Variants in ABCC2 observed in about 807,000 individuals in gnomAD.
ABCC2 encodes the protein ATP-binding cassette sub-family C member 2.
ABCC2 carries 157 observed loss-of-function variants against 173.4 expected under a neutral mutation model. The observed-to-expected ratio is 0.91, with a 90% confidence interval of 0.80 to 1.03. The LOEUF (loss-of-function observed/expected upper bound fraction) is 1.03, where lower values mean the gene tolerates loss of function less well. ABCC2 is among the 50% of genes least tolerant of loss of function. The probability of loss-of-function intolerance (pLI) is 0.00; values close to 1 mark genes in which losing one functional copy is unlikely to be tolerated. For missense variants in ABCC2, 1,822 were observed against 1,852.3 expected (o/e 0.98, Z 0.30); for synonymous variants, 657 against 693.5 (o/e 0.95, Z 0.83).
Position 99,810,137 on chromosome 10 carries a change from AGT to A in ABCC2, c.1822_1823del (p.Val608PhefsTer13). 1 of 1,613,314 alleles carries A rather than the reference AGT, an allele frequency of 6.2e-7. No homozygotes were observed. Among genetic ancestry groups the A allele is most frequent in the Non-Finnish European group, 8.5e-7 (1 of 1,179,294 alleles). ...PMMISSMLQA[S>X]VSTERLEKYL... ...GATCCTTTGTGTCCTTCTCTAGGCC[AGT>A]GTTTCCACAGAGCGGCTAGAGAAGT... is the stretch of plus-strand genomic sequence containing the variant. On this transcript the variant is annotated frameshift_variant, in exon 14 of 32. Transcript: ENST00000647814. LOFTEE classifies it high-confidence loss of function.
chr10:99,788,506 A>G (rs2037759054), intron 2 of ABCC2: 2 of 152,294 alleles, frequency 1.3e-5, no homozygotes, highest in South Asian at 4.1e-4. Flanking sequence ...GAGGGAGGGA[A>G]AAAGGAAGAA....
intron 24 of ABCC2, among the ~76,000 whole-genome samples, chr10:99,835,593 G>A (rs1038855187): frequency 7.2e-5 from 11 of 151,854 alleles, no homozygotes; most frequent in African/African-American, 2.4e-4. Context: ...ACACACCACC[G>A]AGGCACAGTT....
At chr10:99,840,437 G>C (rs1197753922) in intron 25 of ABCC2, among the ~76,000 whole-genome samples, 7 of 146,284 alleles carry the variant, frequency 4.8e-5, no homozygotes, top group African/African-American at 1.7e-4. Context: ...AGCCCGCGGC[G>C]CCTTCGACCC....
At chr10:99,833,797 AT>A (rs1356614264) in intron 23 of ABCC2, among the ~76,000 whole-genome samples, 2 of 152,216 alleles carry the variant, frequency 1.3e-5, no homozygotes, top group Non-Finnish European at 2.9e-5. Flanking sequence ...CATAGAATCA[AT>A]ATAATCCCCA....
At chr10:99,804,324 C>T (rs768291450) in intron 10 of ABCC2, 51 bp downstream of exon 10, 1 of 1,610,068 alleles carries the variant, frequency 6.2e-7, no homozygotes. Context: ...AAGTGTAAAC[C>T]CTTTTTCTTA....
intron 8 of ABCC2, 27 bp downstream of exon 8, chr10:99,799,397 T>C (rs757061562): frequency 2.0e-5 from 33 of 1,613,440 alleles, no homozygotes; most frequent in Non-Finnish European, 2.8e-5. Context: ...CAGATGGTCC[T>C]TTCAGGGCCT....
intron 17 of ABCC2, 31 bp downstream of exon 17, chr10:99,817,515 T>C: frequency 6.2e-7 from 1 of 1,610,906 alleles, no homozygotes; most frequent in South Asian, 1.1e-5. Context: ...TCTTCAAGGG[T>C]GAAGGCATAT....
intron 19 of ABCC2, among the ~76,000 whole-genome samples, chr10:99,826,823 A>G (rs1360007633): frequency 1.1e-5 from 1 of 93,790 alleles, no homozygotes; most frequent in East Asian, 3.6e-4. Context: ...ATGTCCTCAT[A>G]TAAGGGGATT....
Position 99,836,103 on chromosome 10 carries a change from T to A in ABCC2, c.3427T>A (p.Ser1143Thr), listed in dbSNP as rs758302747. The A allele has an allele frequency of 6.2e-7, 1 of 1,613,666 alleles. No homozygotes were observed. The highest frequency in any genetic ancestry group is 1.1e-5 in the South Asian group (1 of 91,056). Residue 1143 changes from serine (S) to threonine (T), a missense_variant, in exon 25 of 32, where the codon TCT becomes ACT. Coordinates refer to ENST00000647814, the MANE Select transcript of ABCC2 (RefSeq NM_000392.5). ...IYVSVQMFYV[S>T]TSRQLRRLDS... The stretch of plus-strand genomic sequence containing the variant: ...TTTTTGTGTCCAGATGTTTTATGTG[T>A]CTACCTCCCGCCAGCTGAGGCGTCT...
intron 19 of ABCC2, among the ~76,000 whole-genome samples, chr10:99,819,691 A>AT (rs1295936207): frequency 6.6e-6 from 1 of 152,326 alleles, no homozygotes; most frequent in East Asian, 1.9e-4. Context: ...GGCTGGCACT[A>AT]TTAGTGTACT....
At chr10:99,809,559 T>G (rs541354834) in intron 13 of ABCC2, among the ~76,000 whole-genome samples, 278 of 152,348 alleles carry the variant, frequency 1.8e-3, no homozygotes, top group African/African-American at 6.3e-3. Context: ...ACAGCCTCTT[T>G]GGAAGAGAGG....
At chr10:99,793,211 C>T (rs1265492795) in intron 3 of ABCC2, among the ~76,000 whole-genome samples, 3 of 152,198 alleles carry the variant, frequency 2.0e-5, no homozygotes, top group African/African-American at 7.2e-5. Context: ...TGCCTTCCGA[C>T]CTTACTACTG....
At chr10:99,807,294 G>A (rs2038126185) in intron 11 of ABCC2, 90 bp from the exon 12 acceptor site, 26 of 1,522,198 alleles carry the variant, frequency 1.7e-5, no homozygotes, top group Admixed American at 5.0e-5. Context: ...CACATTTTGG[G>A]GACTATATCT....
At chr10:99,843,456 T>G (rs2038974671) in intron 26 of ABCC2, among the ~76,000 whole-genome samples, 1 of 152,216 alleles carries the variant, frequency 6.6e-6, no homozygotes, top group African/African-American at 2.4e-5. Flanking sequence ...GATCATGCCT[T>G]TCCCTGATTC....
Position 99,832,044 on chromosome 10 carries a change from C to A in ABCC2, c.3171C>A (p.His1057Gln). The A allele has an allele frequency of 6.2e-7, 1 of 1,614,228 alleles. No homozygotes were observed. The highest frequency in any genetic ancestry group is 1.3e-5 in the African/African-American group (1 of 75,060). The change falls in exon 23 of 32, where the codon CAC (histidine) becomes CAA (glutamine). Residue 1057 changes from histidine to glutamine, a missense_variant. Physicochemically the swap from His to Gln is conservative, Grantham distance 24. Coordinates refer to ENST00000647814, the MANE Select transcript of ABCC2 (RefSeq NM_000392.5). ...TCGTCCATGCATCAAATATCTTGCA[C>A]AAGCAACTGCTGAACAATATCCTTC... ...FGFVHASNIL[H>Q]KQLLNNILRA... is the part of the protein sequence containing the mutation.
rs10644836 is a variant in ABCC2 at position 99,806,077 on chromosome 10, C to CTCTGTGTGTGTGTGTGTG, written c.1530+631_1530+632insCTGTGTGTGTGTGTGTGT. Among the ~76,000 whole-genome samples the CTCTGTGTGTGTGTGTGTG allele has an allele frequency of 6.3e-3, 926 of 148,118 alleles. 9 individuals carry two copies. The highest frequency in any genetic ancestry group is 0.022 in the African/African-American group (877 of 39,784). ...TCTACTACAGTCTCTCTCTCTCTGT[C>CTCTGTGTGTGTGTGTGTG]TGTGTGTGTGTGTGTGTGTGTGTGT... On this transcript the variant is annotated intron_variant, in intron 11 of 31. Transcript: ENST00000647814.
intron 24 of ABCC2, among the ~76,000 whole-genome samples, 170 bp from the exon 25 acceptor site, chr10:99,835,921 C>T (rs975153597): frequency 1.1e-4 from 16 of 152,168 alleles, no homozygotes; most frequent in African/African-American, 7.2e-5. Flanking sequence ...GTCTCCTCCT[C>T]GGAGCCTCTC....
At chr10:99,814,219 A>ATATACACACATGTGTATG (rs1564683772) in intron 16 of ABCC2, among the ~76,000 whole-genome samples, 1 of 49,538 alleles carries the variant, frequency 2.0e-5, no homozygotes, top group Admixed American at 1.9e-4. Context: ...ACATGTGTAT[A>ATATACACACATGTGTATG]TATACACACA....
chr10:99,785,652 G>A (rs2037695825), intron 2 of ABCC2, among the ~76,000 whole-genome samples: 1 of 152,080 alleles, frequency 6.6e-6, no homozygotes, highest in South Asian at 2.1e-4. Context: ...CCGAGTAGCT[G>A]GGATTACAGG....
Sources: allele counts gnomAD v4.1 joint callset (sites outside exome capture counted in the v4.1 genomes callset), GRCh38; gene constraint gnomAD v4.1.1; transcripts MANE v1.5; gene names NCBI Gene and HGNC (gene_info 2026-07-23, HGNC 2026-07-21).